The following RANBP2 variants were observed in gnomAD, a reference collection of about 807,000 sequenced individuals.
RANBP2 encodes E3 SUMO-protein ligase RanBP2.
Under a neutral mutation model 303.6 loss-of-function variants are expected in RANBP2, and 57 were observed. That is an observed-to-expected ratio of 0.19 (90% CI 0.15 to 0.23). The LOEUF is 0.23. Among genes scored for constraint, RANBP2 ranks in the 10% least tolerant of loss-of-function variants. The probability of loss-of-function intolerance (pLI) is 1.00; values close to 1 mark genes in which losing one functional copy is unlikely to be tolerated. For synonymous variants in RANBP2, 1,167 were observed against 1,301.5 expected (o/e 0.90, Z 2.23); for missense variants, 3,138 against 3,780.8 (o/e 0.83, Z 4.46).
chr2:109,383,312 G>T, the RANBP2 span, among the ~76,000 whole-genome samples: 1 of 152,170 alleles, frequency 6.6e-6, no homozygotes. Flanking sequence ...AGTCACTGGG[G>T]GGTCATGGGG....
chr2:109,672,962 T>C, the RANBP2 span, among the ~76,000 whole-genome samples: 157 of 152,338 alleles, frequency 1.0e-3, no homozygotes, highest in African/African-American at 3.7e-3. Flanking sequence ...TTGTTTGATA[T>C]TACTAAAGAC....
the RANBP2 span, among the ~76,000 whole-genome samples, chr2:109,572,119 T>C: frequency 6.6e-6 from 1 of 152,222 alleles, no homozygotes; most frequent in African/African-American, 2.4e-5. Context: ...GAGCTCTCTC[T>C]AGCTCCCCAC....
chr2:109,430,957 G>C, the RANBP2 span, among the ~76,000 whole-genome samples: 1 of 152,216 alleles, frequency 6.6e-6, no homozygotes, highest in African/African-American at 2.4e-5. Context: ...CATTGAATGA[G>C]GGCAGAGGGC....
chr2:109,296,778 G>A, the RANBP2 span, among the ~76,000 whole-genome samples: 1 of 152,208 alleles, frequency 6.6e-6, no homozygotes. Flanking sequence ...TGGCGTGTGG[G>A]AATAGGCAGT....
At chr2:108,754,794 T>C in intron 15 of RANBP2, 111 bp from the exon 16 acceptor site, 1 of 1,506,258 alleles carries the variant, frequency 6.6e-7, no homozygotes, top group Non-Finnish European at 9.1e-7. Flanking sequence ...AAGTGTAAAG[T>C]GCCTATTAAA....
chr2:109,472,444 C>G, the RANBP2 span, among the ~76,000 whole-genome samples: 1 of 152,204 alleles, frequency 6.6e-6, no homozygotes, highest in African/African-American at 2.4e-5. Context: ...CGGGGCTTCC[C>G]GACGGGGCTT....
At chr2:108,875,261 T>C in the RANBP2 span, among the ~76,000 whole-genome samples, 3 of 149,582 alleles carry the variant, frequency 2.0e-5, no homozygotes, top group Non-Finnish European at 3.0e-5. Context: ...AAGAAACACG[T>C]ATACATATGT....
At chr2:109,124,252 G>C in the RANBP2 span, 1 of 151,514 alleles carries the variant, frequency 6.6e-6, no homozygotes, top group African/African-American at 2.4e-5. Context: ...TTGGCTCATT[G>C]CAACCTCCAC....
the RANBP2 span, among the ~76,000 whole-genome samples, chr2:109,414,729 G>A: frequency 3.3e-5 from 5 of 152,278 alleles, no homozygotes; most frequent in African/African-American, 9.6e-5. Flanking sequence ...CAAACACTGC[G>A]TGTCCAGCAC....
At chr2:109,565,765 T>G in the RANBP2 span, 2 of 1,613,136 alleles carry the variant, frequency 1.2e-6, no homozygotes, top group African/African-American at 1.3e-5. Context: ...TCATTTACCT[T>G]GTACAACACC....
In RANBP2 at chr2:108,763,692, T is replaced by C. The variant is rs372530448; in HGVS notation, c.3153T>C (p.Val1051=). The change falls in exon 20 of 29, where the codon GTT becomes GTC. Residue 1051 remains valine (V), a synonymous_variant. Transcript: ENST00000283195. ...ACTTCACGTTTTCCTCACCACAGGT[T>C]GTGACACAGCCCCCTCCTGCAGCTT... ...DGDFTFSSPQ[V]VTQPPPAAYS... The C allele has an allele frequency of 1.1e-5, 18 of 1,614,016 alleles. No homozygotes were observed. The highest frequency in any genetic ancestry group is 1.5e-5 in the Non-Finnish European group (18 of 1,180,000).
chr2:108,890,451 C>G, the RANBP2 span, among the ~76,000 whole-genome samples: 1 of 151,996 alleles, frequency 6.6e-6, no homozygotes, highest in Non-Finnish European at 1.5e-5. Context: ...TGCCATGTTG[C>G]CCAGGCTGGT....
chr2:108,769,501 A>G (rs111819770), intron 20 of RANBP2, among the ~76,000 whole-genome samples: 5 of 149,246 alleles, frequency 3.4e-5, no homozygotes, highest in East Asian at 2.0e-4. Flanking sequence ...GACTGGTGGC[A>G]TGACACCCTT....
At chr2:109,163,588 A>G in the RANBP2 span, among the ~76,000 whole-genome samples, 1 of 150,294 alleles carries the variant, frequency 6.7e-6, no homozygotes, top group East Asian at 2.0e-4. Flanking sequence ...TTTAGTAGAG[A>G]CGGGGTTTCA....
chr2:109,098,850 C>A, the RANBP2 span, among the ~76,000 whole-genome samples: 5 of 152,072 alleles, frequency 3.3e-5, no homozygotes, highest in Non-Finnish European at 5.9e-5. Context: ...CTGTAATACC[C>A]GGTTATTTGG....
chr2:108,871,994 C>T, the RANBP2 span, among the ~76,000 whole-genome samples: 2 of 151,904 alleles, frequency 1.3e-5, no homozygotes, highest in Non-Finnish European at 2.9e-5. Flanking sequence ...CTTTTAATTC[C>T]CCTCTCTCAC....
chr2:109,714,280 T>G, the RANBP2 span, among the ~76,000 whole-genome samples: 29 of 150,308 alleles, frequency 1.9e-4, no homozygotes, highest in South Asian at 4.3e-4. Context: ...GTGTGTGTGT[T>G]TTTCTCTTTT....
At chr2:109,129,046 G>A in the RANBP2 span, 1 of 414,408 alleles carries the variant, frequency 2.4e-6, no homozygotes, top group Non-Finnish European at 4.8e-6. Flanking sequence ...AGCGACTAGC[G>A]AGCAGGCCAG....
chr2:109,244,147 A>AT, the RANBP2 span, among the ~76,000 whole-genome samples: 2,986 of 152,086 alleles, frequency 0.02, 101 homozygotes, highest in African/African-American at 0.066. Flanking sequence ...CTCTGTAGCT[A>AT]TTTTTTTTGT....
Sources: gnomAD v4.1 joint callset for allele counts (sites outside exome capture counted in the v4.1 genomes callset) on GRCh38, gnomAD v4.1.1 for gene constraint, MANE v1.5 for transcripts, NCBI Gene and HGNC (gene_info 2026-07-23, HGNC 2026-07-21) for gene names.